Variants in NCAM1 observed in about 807,000 individuals in gnomAD.
NCAM1 encodes the protein antigen recognized by monoclonal antibody 5.1H11.
In NCAM1, 14 loss-of-function variants were observed where a neutral mutation model predicts 109.8. That is an observed-to-expected ratio of 0.13 (90% CI 0.08 to 0.20). The LOEUF (loss-of-function observed/expected upper bound fraction) is 0.20. Ranked by LOEUF, NCAM1 falls within the 10% of genes least tolerant of loss-of-function variation. NCAM1 has a pLI of 1.00. For missense variants in NCAM1, 774 were observed against 1,109.9 expected (o/e 0.70, Z 4.30); for synonymous variants, 418 against 442.9 (o/e 0.94, Z 0.70).
At position 113,275,420 on chromosome 11, in the gene NCAM1, A is replaced by C; in HGVS notation, c.*33A>C. 6.2e-7 allele frequency: 1 copy of C among 1,600,012 alleles called. No homozygotes were observed. The highest frequency in any genetic ancestry group is 8.5e-7 in the Non-Finnish European group (1 of 1,173,016). ...AGAGAACCGAGCAAAGATCAAAATA[A>C]AAAGTGACACAGCAGCTTCACCAGA... On this transcript the variant is annotated 3_prime_UTR_variant, in exon 20 of 20. Transcript: ENST00000316851.
chr11:113,252,926 C>T (rs1187351021), intron 15 of NCAM1, among the ~76,000 whole-genome samples: 1 of 143,770 alleles, frequency 7.0e-6, no homozygotes, highest in Non-Finnish European at 1.5e-5. Flanking sequence ...CCTAGGGTTA[C>T]AGGTGTGAGC....
intron 1 of NCAM1, among the ~76,000 whole-genome samples, chr11:113,047,196 A>G (rs555781301): frequency 6.6e-6 from 1 of 152,298 alleles, no homozygotes; most frequent in African/African-American, 2.4e-5. Flanking sequence ...ATAACAGATG[A>G]GCAAAGTAAA....
chr11:113,264,519 G>A (rs1946093958), intron 17 of NCAM1: 1 of 985,492 alleles, frequency 1.0e-6, no homozygotes, highest in Admixed American at 6.1e-5. Context: ...CATGGTTTTT[G>A]GGCACAGGGC....
In NCAM1 at chr11:113,275,327, C is replaced by G. The variant is rs536434162; in HGVS notation, c.2517C>G (p.Ala839=). ...CQETETKPAP[A]EVKTVPNDAT... is the part of the protein sequence containing the mutation. ...AGACAGAAACGAAGCCAGCGCCAGC[C>G]GAAGTCAAGACGGTCCCCAATGACG... Residue 839 remains alanine, a synonymous_variant, in exon 20 of 20, where the codon GCC becomes GCG. Transcript: ENST00000316851. The G allele has an allele frequency of 6.3e-5, 101 of 1,613,400 alleles. No homozygotes were observed. Among genetic ancestry groups the G allele is most frequent in the Non-Finnish European group, 7.8e-5 (92 of 1,179,780 alleles).
At chr11:113,226,787 C>T (rs1176211241) in intron 9 of NCAM1, among the ~76,000 whole-genome samples, 14 of 152,286 alleles carry the variant, frequency 9.2e-5, no homozygotes, top group African/African-American at 2.2e-4. Flanking sequence ...CACTCAAAAC[C>T]GCTCAACTAC....
intron 7 of NCAM1, among the ~76,000 whole-genome samples, chr11:113,209,252 T>C (rs1555113346): frequency 6.6e-6 from 1 of 152,208 alleles, no homozygotes; most frequent in Non-Finnish European, 1.5e-5. Flanking sequence ...TAAGGAGAAC[T>C]GTTCATAAAC....
intron 1 of NCAM1, among the ~76,000 whole-genome samples, chr11:113,196,033 C>T (rs934626573): frequency 2.6e-5 from 4 of 151,910 alleles, no homozygotes; most frequent in African/African-American, 4.8e-5. Context: ...TAAACAATTT[C>T]GATATCCCTT....
intron 16 of NCAM1, among the ~76,000 whole-genome samples, chr11:113,256,440 A>G (rs547527700): frequency 1.3e-5 from 2 of 152,304 alleles, no homozygotes; most frequent in Admixed American, 6.5e-5. Context: ...AGGTCTTACC[A>G]TTATCCCCTC....
At chr11:113,166,031 C>T (rs566486536) in intron 1 of NCAM1, among the ~76,000 whole-genome samples, 2 of 151,826 alleles carry the variant, frequency 1.3e-5, no homozygotes, top group Non-Finnish European at 2.9e-5. Flanking sequence ...CGGGGTTTCA[C>T]CGTGTTAGCC....
At chr11:112,974,612 A>AT (rs1950960529) in intron 1 of NCAM1, among the ~76,000 whole-genome samples, 1 of 151,852 alleles carries the variant, frequency 6.6e-6, no homozygotes, top group Non-Finnish European at 1.5e-5. Flanking sequence ...ATTGGGGGTA[A>AT]TTTTTTCTTC....
intron 1 of NCAM1, among the ~76,000 whole-genome samples, chr11:113,002,936 T>G (rs1196855938): frequency 6.6e-6 from 1 of 152,228 alleles, no homozygotes; most frequent in Non-Finnish European, 1.5e-5. Context: ...TTCCCACTGG[T>G]CTTAGTGAGA....
intron 1 of NCAM1, among the ~76,000 whole-genome samples, chr11:113,100,746 G>A (rs557313986): frequency 7.2e-5 from 11 of 152,260 alleles, no homozygotes; most frequent in South Asian, 2.1e-4. Flanking sequence ...TGGGTGGCAC[G>A]TGGCAGGCCA....
chr11:113,231,563 C>A, intron 9 of NCAM1, 82 bp from the exon 10 acceptor site: 1 of 1,393,006 alleles, frequency 7.2e-7, no homozygotes, highest in South Asian at 1.3e-5. Context: ...CCTAGTCTCC[C>A]AGCCCCCATC....
chr11:112,966,330 AT>A (rs530297453), intron 1 of NCAM1, among the ~76,000 whole-genome samples: 1 of 152,276 alleles, frequency 6.6e-6, no homozygotes, highest in East Asian at 1.9e-4. Flanking sequence ...GAAGAAGAAA[AT>A]TTTTTACTTT....
At chr11:113,184,457 A>T (rs191931583) in intron 1 of NCAM1, among the ~76,000 whole-genome samples, 1 of 152,356 alleles carries the variant, frequency 6.6e-6, no homozygotes, top group Non-Finnish European at 1.5e-5. Context: ...CATTTTGAAG[A>T]TACAATAGCA....
At chr11:113,269,993 C>T (rs11214560) in intron 17 of NCAM1, 195 bp from the exon 18 acceptor site, 25,871 of 605,662 alleles carry the variant, frequency 0.043, 902 homozygotes, top group Admixed American at 0.07. Flanking sequence ...TGTCATCCCT[C>T]CCTCTGGAAG....
At chr11:113,202,565 T>G (rs1944101368) in intron 2 of NCAM1, 112 bp downstream of exon 2, 2 of 914,836 alleles carry the variant, frequency 2.2e-6, no homozygotes, top group Non-Finnish European at 3.2e-6. Flanking sequence ...CTAGAATTCT[T>G]GGCATTGCTC....
At chr11:113,172,801 T>C (rs1428378436) in intron 1 of NCAM1, among the ~76,000 whole-genome samples, 1 of 152,220 alleles carries the variant, frequency 6.6e-6, no homozygotes, top group Non-Finnish European at 1.5e-5. Flanking sequence ...TTCTAAGTGC[T>C]GCATTGTCTA....
chr11:112,974,608 G>A (rs1048506315), intron 1 of NCAM1, among the ~76,000 whole-genome samples: 4 of 151,934 alleles, frequency 2.6e-5, no homozygotes, highest in Non-Finnish European at 5.9e-5. Flanking sequence ...ATGGATTGGG[G>A]GTAATTTTTT....
Sources: gnomAD v4.1 joint callset for allele counts (sites outside exome capture counted in the v4.1 genomes callset) on GRCh38, gnomAD v4.1.1 for gene constraint, MANE v1.5 for transcripts, NCBI Gene and HGNC (gene_info 2026-07-23, HGNC 2026-07-21) for gene names.